ACAN: variants seen among roughly 807,000 people sequenced by gnomAD.
The protein encoded by ACAN is aggrecan core protein.
ACAN carries 47 observed loss-of-function variants against 169.1 expected under a neutral mutation model. The ratio of observed to expected loss-of-function variants is 0.28; its 90% CI spans 0.22 to 0.35. ACAN has a LOEUF of 0.35. Ranked by LOEUF, ACAN falls within the 10% of genes least tolerant of loss-of-function variation. The pLI, the probability that ACAN is intolerant of heterozygous loss-of-function variation, is 1.00. For synonymous variants in ACAN, 1,115 were observed against 1,112.2 expected (o/e 1.00, Z -0.05); for missense variants, 2,716 against 2,759.9 (o/e 0.98, Z 0.36).
intron 1 of ACAN, among the ~76,000 whole-genome samples, chr15:88,822,473 T>G (rs530656763): frequency 1.2e-3 from 187 of 152,192 alleles, no homozygotes; most frequent in African/African-American, 4.3e-3. Context: ...CTACATGTTT[T>G]TTTTTTTTTT....
intron 1 of ACAN, among the ~76,000 whole-genome samples, chr15:88,819,664 G>A (rs1596116771): frequency 6.6e-6 from 1 of 151,942 alleles, no homozygotes; most frequent in South Asian, 2.1e-4. Flanking sequence ...TACTCAGGAG[G>A]CTGAGACAGG....
Position 88,873,932 on chromosome 15 carries a change from A to G in ACAN, c.7538A>G (p.Gln2513Arg). ...RYEINSLVRYQCTEGFVQRHM... is the reference protein window; with the variant it reads ...RYEINSLVRYRCTEGFVQRHM... ...GAGATCAATTCCCTGGTGCGGTACC[A>G]GTGCACAGAGGGGTTTGTCCAGCGC... The change falls in exon 18 of 19, where the codon CAG (glutamine) becomes CGG (arginine). Residue 2513 changes from glutamine (Q) to arginine (R), a missense_variant. Physicochemically the swap from Gln to Arg is conservative, Grantham distance 43. Around this residue, in one of 3 missense-constraint regions of ACAN, gnomAD observed 1,389 missense variants for 1,363.7 expected, o/e 1.02. Transcript: ENST00000560601. The surrounding 1 kb of genome is among the most constrained non-coding windows in gnomAD (Gnocchi z 7.5). 1 of 1,613,720 alleles carries G rather than the reference A, an allele frequency of 6.2e-7. No individual in the cohort carries two copies. The highest frequency in any genetic ancestry group is 1.1e-5 in the South Asian group (1 of 91,082).
At chr15:88,829,461 G>A (rs1399807177) in intron 1 of ACAN, among the ~76,000 whole-genome samples, 1 of 152,128 alleles carries the variant, frequency 6.6e-6, no homozygotes, top group Non-Finnish European at 1.5e-5. Context: ...CTGCAGTTGG[G>A]GTGACTCTGG....
At chr15:88,836,657 C>T (rs1896511333) in intron 2 of ACAN, among the ~76,000 whole-genome samples, 1 of 152,210 alleles carries the variant, frequency 6.6e-6, no homozygotes. Flanking sequence ...GGAGGATCGG[C>T]TGGAGCACCA....
chr15:88,831,003 G>T (rs1896347041), intron 1 of ACAN, among the ~76,000 whole-genome samples: 1 of 152,088 alleles, frequency 6.6e-6, no homozygotes, highest in Non-Finnish European at 1.5e-5. Flanking sequence ...CTGTAGTTAC[G>T]TCCAGTAGTA....
chr15:88,840,238 G>A lies in ACAN; in HGVS notation c.629+52G>A, dbSNP rs376830460. 16 of 1,506,488 alleles carry A rather than the reference G, an allele frequency of 1.1e-5. 1 individual carries two copies. The African/African-American group carries it at 1.5e-4, about 14-fold the overall frequency. The allele number at this position is 1,506,488 out of a possible 1,614,324, so 93.3% of individuals were successfully genotyped here. A position where few individuals can be genotyped will look rare whatever the true frequency, so the allele number is the denominator to read the frequency against. On this transcript the variant is annotated intron_variant, in intron 4 of 18. Transcript: ENST00000560601. ...GGGCCAGGAGTCAGCAGCCACAGGG[G>A]AGTGGGGCGGGTGCTGGGTGGAACG...
rs1454800940 is a variant in ACAN at position 88,874,859 on chromosome 15, CGTT to C, written c.*380_*382del. On this transcript the variant is annotated 3_prime_UTR_variant, in exon 19 of 19. Transcript: ENST00000560601. This position sits in a 1 kb window ranked among gnomAD's most constrained non-coding sequence, Gnocchi z 7.3. ...TGACTTTATCCAAGAGCAGTGCAAT[CGTT>C]GGTTATTTCACCTCCAGGGAGAGCT... 2 of 354,492 alleles carry C rather than the reference CGTT, an allele frequency of 5.6e-6. No individual in the cohort carries two copies. Among genetic ancestry groups the C allele is most frequent in the South Asian group, 2.2e-5 (1 of 44,804 alleles). 22.0% of individuals were successfully genotyped at this position (354,492 alleles called of 1,614,324 possible). A position where few individuals can be genotyped will look rare whatever the true frequency, so the allele number is the denominator to read the frequency against.
At position 88,851,969 on chromosome 15, in the gene ACAN, C is replaced by T. The variant is rs546837225; in HGVS notation, c.2202C>T (p.Thr734=). 12 of 1,612,174 alleles carry T rather than the reference C, an allele frequency of 7.4e-6. No individual in the cohort carries two copies. The highest frequency in any genetic ancestry group is 2.7e-5 in the African/African-American group (2 of 74,978). The change falls in exon 11 of 19, where the codon ACC becomes ACT. Residue 734 remains threonine (T), a synonymous_variant. Transcript: ENST00000560601. The surrounding 1 kb of genome is among the most constrained non-coding windows in gnomAD (Gnocchi z 4.3). ...CTACTGCCATCCTAGAGTTCACCACCGAGCCAGAAAACCAGACAGAATGGG... is the reference window on the plus strand; with the variant it reads ...CTACTGCCATCCTAGAGTTCACCACTGAGCCAGAAAACCAGACAGAATGGG... ...GETTAILEFT[T]EPENQTEWEP... is the part of the protein sequence containing the mutation.
At chr15:88,805,447 A>C (rs548995017) in intron 1 of ACAN, among the ~76,000 whole-genome samples, 1 of 152,366 alleles carries the variant, frequency 6.6e-6, no homozygotes, top group East Asian at 1.9e-4. Context: ...CCAAAGGAAG[A>C]AGATATCTCT....
In ACAN at chr15:88,857,065, G is replaced by C; in HGVS notation, c.4480G>C (p.Glu1494Gln). The C allele has an allele frequency of 6.2e-7, 1 of 1,612,314 alleles. No homozygotes were observed. The highest frequency in any genetic ancestry group is 8.5e-7 in the Non-Finnish European group (1 of 1,178,978). ...VEDISGLPSGEVVETSASGIE... is the reference protein window; with the variant it reads ...VEDISGLPSGQVVETSASGIE... The stretch of plus-strand genomic sequence containing the variant: ...GGACATCAGTGGGCTTCCTTCTGGA[G>C]AGGTTGTAGAGACTTCTGCCTCTGG... Residue 1494 changes from glutamate (E) to glutamine (Q), a missense_variant, in exon 12 of 19, where the codon GAG becomes CAG. By Grantham distance (29) the Glu-to-Gln change is conservative. Coordinates refer to ENST00000560601, the MANE Select transcript of ACAN (RefSeq NM_001369268.1).
Position 88,872,916 on chromosome 15 carries a change from C to G in ACAN, c.7338C>G (p.Asn2446Lys), listed in dbSNP as rs1435997573. The change falls in exon 17 of 19, where the codon AAC becomes AAG. Residue 2446 changes from asparagine (N) to lysine (K), a missense_variant. This residue lies in a region of ACAN where 1,389 missense variants were observed against 1,363.7 expected (regional missense o/e 1.02). Coordinates refer to ENST00000560601, the MANE Select transcript of ACAN (RefSeq NM_001369268.1). The surrounding 1 kb of genome is among the most constrained non-coding windows in gnomAD (Gnocchi z 5.4). ...FENWRPNQPD[N>K]FFAAGEDCVV... is the part of the protein sequence containing the mutation. ...ACTGGCGCCCCAACCAGCCTGACAA[C>G]TTTTTTGCCGCTGGAGAGGACTGTG... The G allele has an allele frequency of 6.2e-7, 1 of 1,613,732 alleles. No homozygotes were observed. Among genetic ancestry groups the G allele is most frequent in the African/African-American group, 1.3e-5 (1 of 74,912 alleles).
At chr15:88,830,380 C>T (rs993258325) in intron 1 of ACAN, among the ~76,000 whole-genome samples, 1 of 152,210 alleles carries the variant, frequency 6.6e-6, no homozygotes, top group African/African-American at 2.4e-5. Context: ...ATTTTGTCAT[C>T]CAGCAACATG....
intron 2 of ACAN, among the ~76,000 whole-genome samples, chr15:88,836,865 G>A (rs1896516742): frequency 1.3e-5 from 2 of 152,216 alleles, no homozygotes; most frequent in Non-Finnish European, 1.5e-5. Flanking sequence ...GACCCCAGAA[G>A]GGAAGGTATG....
chr15:88,812,802 C>G (rs1270433317), intron 1 of ACAN, among the ~76,000 whole-genome samples: 1 of 152,088 alleles, frequency 6.6e-6, no homozygotes, highest in East Asian at 1.9e-4. Context: ...TCTCTGCCCT[C>G]CTGAGCTCCA....
rs201436752 is a variant in ACAN, at chr15:88,859,273, G to T, written c.6688G>T (p.Ala2230Ser). 2.7e-4 allele frequency: 443 copies of T among 1,613,854 alleles called. No homozygotes were observed. Among genetic ancestry groups the T allele is most frequent in the Middle Eastern group, 4.9e-4 (3 of 6,062 alleles). The stretch of plus-strand genomic sequence containing the variant: ...GTGGACCCAGCAGACCCAGCGCCCT[G>T]CAGAGACGCATCTAGAAATTGAGTC... ...SEWTQQTQRP[A>S]ETHLEIESSS... Residue 2230 changes from alanine (A) to serine (S), a missense_variant, in exon 12 of 19, where the codon GCA becomes TCA. Transcript: ENST00000560601.
Position 88,836,212 on chromosome 15 carries a change from C to T in ACAN, c.6C>T (p.Thr2=), listed in dbSNP as rs775539020. 2 of 1,613,656 alleles carry T rather than the reference C, an allele frequency of 1.2e-6. No individual in the cohort carries two copies. Among genetic ancestry groups the T allele is most frequent in the East Asian group, 2.2e-5 (1 of 44,872 alleles). ...TCCCCTCTTCCAGGTGAACTATGAC[C>T]ACTTTACTCTGGGTTTTCGTGACTC... M[T]TLLWVFVTLR... Residue 2 remains threonine, a synonymous_variant, in exon 2 of 19, where the codon ACC becomes ACT. Coordinates refer to ENST00000560601, the MANE Select transcript of ACAN (RefSeq NM_001369268.1).
rs757662135 is a variant in ACAN, at chr15:88,875,265, G to C, written c.*784G>C. On this transcript the variant is annotated 3_prime_UTR_variant, in exon 19 of 19. Transcript: ENST00000560601. The surrounding 1 kb of genome is among the most constrained non-coding windows in gnomAD (Gnocchi z 4.8). ...CCTCCCCACCCCCGCCCCCGGGACCGTGCAGGCACCAGGGTTCCGTGCACC... is the reference window on the plus strand; with the variant it reads ...CCTCCCCACCCCCGCCCCCGGGACCCTGCAGGCACCAGGGTTCCGTGCACC... 7.6e-6 allele frequency: 1 copy of C among 131,476 alleles called. No homozygotes were observed. Among genetic ancestry groups the C allele is most frequent in the Non-Finnish European group, 1.6e-5 (1 of 62,788 alleles). 8.1% of individuals were successfully genotyped at this position (131,476 alleles called of 1,614,324 possible).
chr15:88,874,342 C>A lies in ACAN; in HGVS notation c.7631-63C>A. The A allele has an allele frequency of 6.8e-7, 1 of 1,459,856 alleles. No individual in the cohort carries two copies. The highest frequency in any genetic ancestry group is 9.4e-7 in the Non-Finnish European group (1 of 1,063,964). The allele number at this position is 1,459,856 out of a possible 1,614,324, so 90.4% of individuals were successfully genotyped here. A position where few individuals can be genotyped will look rare whatever the true frequency, so the allele number is the denominator to read the frequency against. On this transcript the variant is annotated intron_variant, in intron 18 of 18. Coordinates refer to ENST00000560601, the MANE Select transcript of ACAN (RefSeq NM_001369268.1). This position sits in a 1 kb window ranked among gnomAD's most constrained non-coding sequence, Gnocchi z 7.3. ...GGGAGAGAGGGTAGTCTGGGGAGAG[C>A]CTGGGCTCGCCCCACTTTCTTTCCA...
In ACAN at chr15:88,874,447, A is replaced by C. The variant is rs775633191; in HGVS notation, c.7673A>C (p.His2558Pro). The change falls in exon 19 of 19, where the codon CAC becomes CCC. Residue 2558 changes from histidine to proline, a missense_variant. His to Pro is a moderately conservative substitution (Grantham distance 77). This residue lies in a region of ACAN where 1,389 missense variants were observed against 1,363.7 expected (regional missense o/e 1.02). Coordinates refer to ENST00000560601, the MANE Select transcript of ACAN (RefSeq NM_001369268.1). This position sits in a 1 kb window ranked among gnomAD's most constrained non-coding sequence, Gnocchi z 7.3. ...KRRLQKRSSR[H>P]PRRSRPSTAH ...AGACTACAGAAGCGGAGCTCACGGC[A>C]CCCTCGGAGGAGCCGCCCCAGCACA... The C allele has an allele frequency of 1.2e-6, 2 of 1,606,744 alleles. No homozygotes were observed. Among genetic ancestry groups the C allele is most frequent in the Non-Finnish European group, 1.7e-6 (2 of 1,177,148 alleles).
Sources: allele counts gnomAD v4.1 joint callset (sites outside exome capture counted in the v4.1 genomes callset), GRCh38; gene constraint gnomAD v4.1.1; regional missense constraint gnomAD v4.1.1; non-coding constraint Gnocchi (gnomAD v3.1); transcripts MANE v1.5; gene names NCBI Gene and HGNC (gene_info 2026-07-23, HGNC 2026-07-21).